RNF144A: variants seen among roughly 807,000 people sequenced by gnomAD.
The protein encoded by RNF144A is ring finger protein 144A.
Under a neutral mutation model 38.7 loss-of-function variants are expected in RNF144A, and 11 were observed. The ratio of observed to expected loss-of-function variants is 0.28; its 90% CI spans 0.18 to 0.47. The LOEUF is 0.47. RNF144A is among the 20% of genes least tolerant of loss of function. RNF144A has a pLI of 0.99. For missense variants in RNF144A, 316 were observed against 377.2 expected (o/e 0.84, Z 1.34); for synonymous variants, 149 against 143.9 (o/e 1.04, Z -0.25).
chr2:7,059,489 C>A (rs1297426572), intron 6 of RNF144A, among the ~76,000 whole-genome samples: 1 of 152,194 alleles, frequency 6.6e-6, no homozygotes, highest in Non-Finnish European at 1.5e-5. Context: ...GCAAGGGCAT[C>A]TATGCTCATG....
chr2:6,925,857 C>T (rs942774304), intron 1 of RNF144A, among the ~76,000 whole-genome samples: 4 of 152,304 alleles, frequency 2.6e-5, no homozygotes, highest in African/African-American at 7.2e-5. Context: ...CATGATTCAA[C>T]ACACACGTGT....
intron 7 of RNF144A, among the ~76,000 whole-genome samples, chr2:7,027,219 C>T (rs1671967387): frequency 6.6e-6 from 1 of 152,234 alleles, no homozygotes; most frequent in Non-Finnish European, 1.5e-5. Flanking sequence ...GCTTCCCTCT[C>T]CTCATCTGCA....
chr2:6,996,337 G>A (rs901232599), intron 2 of RNF144A, among the ~76,000 whole-genome samples: 3 of 152,160 alleles, frequency 2.0e-5, no homozygotes, highest in African/African-American at 4.8e-5. Flanking sequence ...CCTGGTTTAG[G>A]AGCCTGGTTG....
At chr2:6,959,241 C>T (rs576056965) in intron 2 of RNF144A, among the ~76,000 whole-genome samples, 1 of 152,140 alleles carries the variant, frequency 6.6e-6, no homozygotes, top group Non-Finnish European at 1.5e-5. Flanking sequence ...GTAACTTTCA[C>T]AACTTGTTCT....
chr2:7,018,322 C>CCCT (rs1671277857), intron 5 of RNF144A, among the ~76,000 whole-genome samples: 2 of 152,252 alleles, frequency 1.3e-5, no homozygotes, highest in Admixed American at 1.3e-4. Flanking sequence ...AGCACTTGCA[C>CCCT]CCTCCCGCAG....
At chr2:6,949,873 G>C (rs1315898987) in intron 2 of RNF144A, among the ~76,000 whole-genome samples, 2 of 152,124 alleles carry the variant, frequency 1.3e-5, no homozygotes, top group Non-Finnish European at 2.9e-5. Context: ...TTAAACTACA[G>C]AGAGTGTATT....
At chr2:7,073,672 T>C in the RNF144A span, among the ~76,000 whole-genome samples, 2 of 152,358 alleles carry the variant, frequency 1.3e-5, no homozygotes, top group East Asian at 3.9e-4. Context: ...TATAACAAGC[T>C]GTTGTTAAGC....
At chr2:7,015,478 T>A (rs1254343467) in intron 5 of RNF144A, among the ~76,000 whole-genome samples, 1 of 152,150 alleles carries the variant, frequency 6.6e-6, no homozygotes, top group African/African-American at 2.4e-5. Context: ...GCAGGCCTGA[T>A]GCAGACCCAG....
At chr2:7,070,416 A>G (rs1454080046), downstream of RNF144A, among the ~76,000 whole-genome samples, 3 of 152,186 alleles carry the variant, frequency 2.0e-5, no homozygotes, top group Non-Finnish European at 4.4e-5. Flanking sequence ...AAAGAACAGC[A>G]TGAGGTCAAA....
intron 2 of RNF144A, among the ~76,000 whole-genome samples, chr2:6,970,988 C>G (rs1277665379): frequency 6.6e-6 from 1 of 152,224 alleles, no homozygotes; most frequent in Non-Finnish European, 1.5e-5. Flanking sequence ...AATCACTCGT[C>G]TTTACCTTGC....
intron 3 of RNF144A, among the ~76,000 whole-genome samples, chr2:7,006,704 A>G (rs1302537134): frequency 6.6e-6 from 1 of 151,790 alleles, no homozygotes; most frequent in Non-Finnish European, 1.5e-5. Context: ...AAAGCCTCCC[A>G]TCCTCCCTTC....
intron 2 of RNF144A, among the ~76,000 whole-genome samples, chr2:6,964,637 G>A (rs999170063): frequency 6.6e-6 from 1 of 152,140 alleles, no homozygotes; most frequent in Non-Finnish European, 1.5e-5. Flanking sequence ...ATACTACGCA[G>A]CCATAAAAAA....
rs1414653651 is a variant in RNF144A, at chr2:6,943,434, C to T, written c.-12+2287C>T. On this transcript the variant is annotated intron_variant, in intron 2 of 8. Coordinates refer to ENST00000320892, the MANE Select transcript of RNF144A (RefSeq NM_014746.6). This position sits in a 1 kb window ranked among gnomAD's most constrained non-coding sequence, Gnocchi z 4.3. ...AAGTGGAGACAGGGATTGTAGACAACTCAGTTGAGCTTTGCGGCAAAAGGG... is the reference window on the plus strand; with the variant it reads ...AAGTGGAGACAGGGATTGTAGACAATTCAGTTGAGCTTTGCGGCAAAAGGG... Among the ~76,000 whole-genome samples the T allele has an allele frequency of 6.6e-6, 1 of 152,180 alleles. No individual in the cohort carries two copies. Among genetic ancestry groups the T allele is most frequent in the Non-Finnish European group, 1.5e-5 (1 of 68,040 alleles).
intron 1 of RNF144A, among the ~76,000 whole-genome samples, chr2:6,927,731 G>A (rs1664969809): frequency 6.6e-6 from 1 of 152,162 alleles, no homozygotes; most frequent in South Asian, 2.1e-4. Context: ...AGTCATAATT[G>A]TTATATAGAT....
At chr2:7,025,460 G>A (rs1001011984) in intron 7 of RNF144A, among the ~76,000 whole-genome samples, 2 of 152,130 alleles carry the variant, frequency 1.3e-5, no homozygotes, top group East Asian at 1.9e-4. Context: ...GATTACCTGC[G>A]GTCAGGAGTT....
intron 2 of RNF144A, among the ~76,000 whole-genome samples, chr2:6,981,825 G>C (rs893423577): frequency 6.6e-6 from 1 of 152,124 alleles, no homozygotes; most frequent in East Asian, 1.9e-4. Flanking sequence ...GTATTAGTCT[G>C]TTTTCACACT....
intron 8 of RNF144A, 79 bp downstream of exon 8, chr2:7,030,294 TG>T (rs1416220539): frequency 1.1e-6 from 1 of 950,840 alleles, no homozygotes; most frequent in Non-Finnish European, 1.7e-6. Context: ...TGTGTGTGTG[TG>T]TGTGTGTGTG....
chr2:6,968,955 C>T (rs187670732), intron 2 of RNF144A, among the ~76,000 whole-genome samples: 11 of 152,292 alleles, frequency 7.2e-5, no homozygotes, highest in Admixed American at 2.0e-4. Flanking sequence ...GGCTCAGAGC[C>T]GCACCTCAAG....
intron 2 of RNF144A, among the ~76,000 whole-genome samples, chr2:6,945,345 T>G (rs1666264103): frequency 6.6e-6 from 1 of 152,228 alleles, no homozygotes; most frequent in Admixed American, 6.5e-5. Flanking sequence ...TTACAATCAA[T>G]CATAACCACA....
Sources: allele counts gnomAD v4.1 joint callset (sites outside exome capture counted in the v4.1 genomes callset), GRCh38; gene constraint gnomAD v4.1.1; non-coding constraint Gnocchi (gnomAD v3.1); transcripts MANE v1.5; gene names NCBI Gene and HGNC (gene_info 2026-07-23, HGNC 2026-07-21).